FASN: variants seen among roughly 807,000 people sequenced by gnomAD.
The protein encoded by FASN is fatty acid synthase, also known as 3-hydroxyacyl-[acyl-carrier-protein] dehydratase.
Under a neutral mutation model 250.0 loss-of-function variants are expected in FASN, and 50 were observed. The ratio of observed to expected loss-of-function variants is 0.20; its 90% CI spans 0.16 to 0.25. The LOEUF is 0.25. FASN is among the 10% of genes least tolerant of loss of function. The probability of loss-of-function intolerance (pLI) is 1.00; values close to 1 mark genes in which losing one functional copy is unlikely to be tolerated. For missense variants in FASN, 3,031 were observed against 3,498.5 expected (o/e 0.87, Z 3.37); for synonymous variants, 1,909 against 1,584.0 (o/e 1.21, Z -4.87).
chr17:82,093,100 G>A, intron 5 of FASN, 81 bp from the exon 6 acceptor site: 2 of 1,585,368 alleles, frequency 1.3e-6, no homozygotes, highest in Non-Finnish European at 1.7e-6. Context: ...GGGGTGTGGG[G>A]TGGGTGCTTG....
chr17:82,089,316 G>A lies in FASN; in HGVS notation c.2034C>T (p.Gly678=), dbSNP rs148923081. The A allele has an allele frequency of 1.7e-4, 279 of 1,612,782 alleles. 1 individual carries two copies. In the African/African-American group the frequency reaches 3.2e-3, roughly 19 times the overall value. ...EGVFAKEVRT[G]GMAFHSYFME... ...TGAAGTAGGAGTGGAAGGCCATACC[G>A]CCGGTCCGCACCTCCTTGGCAAACA... The change falls in exon 13 of 43, where the codon GGC becomes GGT. Residue 678 remains glycine, a synonymous_variant. Transcript: ENST00000306749.
chr17:82,093,504 C>T (rs1005029731), intron 4 of FASN, 85 bp from the exon 5 acceptor site: 1 of 1,593,096 alleles, frequency 6.3e-7, no homozygotes, highest in Non-Finnish European at 8.6e-7. Context: ...GCTGGACACA[C>T]ACTGCACGGA....
Position 82,088,434 on chromosome 17 carries a change from A to G in FASN, c.2549T>C (p.Phe850Ser). 6.2e-7 allele frequency: 1 copy of G among 1,611,856 alleles called. No individual in the cohort carries two copies. The highest frequency in any genetic ancestry group is 8.5e-7 in the Non-Finnish European group (1 of 1,179,268). Residue 850 changes from phenylalanine to serine, a missense_variant, in exon 16 of 43, where the codon TTC becomes TCC. By Grantham distance (155) the Phe-to-Ser change is radical. Transcript: ENST00000306749. ...TGAGGGGGAACCTGAACCGTTGGGGAAGTCCTCGGCGGCCGGCACGTCCCA... is the reference window on the plus strand; with the variant it reads ...TGAGGGGGAACCTGAACCGTTGGGGGAGTCCTCGGCGGCCGGCACGTCCCA... Reference protein sequence around the residue: ...LAWDVPAAEDFPNGSGSPSAA... With the variant: ...LAWDVPAAEDSPNGSGSPSAA...
Position 82,082,563 on chromosome 17 carries a change from C to A in FASN, c.5883G>T (p.Gln1961His). The A allele has an allele frequency of 6.2e-7, 1 of 1,609,060 alleles. No individual in the cohort carries two copies. Among genetic ancestry groups the A allele is most frequent in the South Asian group, 1.1e-5 (1 of 91,066 alleles). ...TGAAGACGCCGCCCACGGGCCCAAG[C>A]TGCGCCGCCTCGGCAATGAGGCCCC... ...GARGLIAEAAQLGPVGGVFNL... is the reference protein window; with the variant it reads ...GARGLIAEAAHLGPVGGVFNL... The change falls in exon 34 of 43, where the codon CAG becomes CAT. Residue 1961 changes from glutamine to histidine, a missense_variant. Coordinates refer to ENST00000306749, the MANE Select transcript of FASN (RefSeq NM_004104.5).
At position 82,078,931 on chromosome 17, in the gene FASN, AGTCGGCAGCTCTG is replaced by A; in HGVS notation, c.*199_*211del. ...GCTCTTCACAGACCAGGAGTCTCCA[AGTCGGCAGCTCTG>A]GTGTCCCCGAGGTGCCGTGGGAGGC... On this transcript the variant is annotated 3_prime_UTR_variant, in exon 43 of 43. Transcript: ENST00000306749. The surrounding 1 kb of genome is among the most constrained non-coding windows in gnomAD (Gnocchi z 5.4). The A allele has an allele frequency of 1.6e-6, 1 of 641,560 alleles. No individual in the cohort carries two copies. The highest frequency in any genetic ancestry group is 2.7e-6 in the Non-Finnish European group (1 of 369,216). The allele number at this position is 641,560 out of a possible 1,614,324, so 39.7% of individuals were successfully genotyped here.
At chr17:82,082,209 C>T (rs1339113186) in intron 35 of FASN, 49 bp from the exon 36 acceptor site, 3 of 1,600,982 alleles carry the variant, frequency 1.9e-6, no homozygotes, top group East Asian at 2.2e-5. Flanking sequence ...CCAGGAGCCC[C>T]CAACGTCCCA....
rs369692376 is a variant in FASN, at chr17:82,084,289, G to A, written c.4864C>T (p.Leu1622=). Residue 1622 remains leucine, a synonymous_variant, in exon 28 of 43, where the codon CTG becomes TTG. Transcript: ENST00000306749. ...RVMGLVPAKG[L]ATSVLLSPDF... ...GGTGACAGCAGGACAGAGGTGGCCA[G>A]GCCCTTGGCAGGCACCAGTCCCATC... The A allele has an allele frequency of 2.0e-5, 33 of 1,611,436 alleles. No individual in the cohort carries two copies. The highest frequency in any genetic ancestry group is 2.7e-5 in the Non-Finnish European group (32 of 1,179,452).
chr17:82,084,325 C>A lies in FASN; in HGVS notation c.4828G>T (p.Gly1610Cys). 1.2e-6 allele frequency: 2 copies of A among 1,610,044 alleles called. No homozygotes were observed. Among genetic ancestry groups the A allele is most frequent in the Non-Finnish European group, 8.5e-7 (1 of 1,178,808 alleles). The change falls in exon 28 of 43, where the codon GGC becomes TGC. Residue 1610 changes from glycine (G) to cysteine (C), a missense_variant. Coordinates refer to ENST00000306749, the MANE Select transcript of FASN (RefSeq NM_004104.5). ...GMEFSGRDASGKRVMGLVPAK... is the reference protein window; with the variant it reads ...GMEFSGRDASCKRVMGLVPAK... ...GGCACCAGTCCCATCACACGCTTGCCGCTGGCGTCTCGGCCCGAGAACTCC... is the reference window on the plus strand; with the variant it reads ...GGCACCAGTCCCATCACACGCTTGCAGCTGGCGTCTCGGCCCGAGAACTCC...
intron 37 of FASN, 30 bp downstream of exon 37, chr17:82,081,571 C>A (rs553370262): frequency 1.9e-6 from 3 of 1,610,440 alleles, no homozygotes; most frequent in African/African-American, 1.3e-5. Context: ...AGGGGAAACA[C>A]CTGGCGCGGC....
rs1463557812 is a variant in FASN at position 82,093,727 on chromosome 17, C to T, written c.325G>A (p.Val109Met). ...GAGGTCTCAGAGCCGCTCACGCCCA[C>T]CCAGACGCCAGTGTGTGTTCCTCGG... ...SLRGTHTGVW[V>M]GVSGSETSEA... The change falls in exon 4 of 43, where the codon GTG (valine) becomes ATG (methionine). Residue 109 changes from valine to methionine, a missense_variant. Physicochemically the swap from Val to Met is conservative, Grantham distance 21. Coordinates refer to ENST00000306749, the MANE Select transcript of FASN (RefSeq NM_004104.5). 3.1e-6 allele frequency: 5 copies of T among 1,612,628 alleles called. No homozygotes were observed. Among genetic ancestry groups the T allele is most frequent in the Non-Finnish European group, 4.2e-6 (5 of 1,179,974 alleles).
chr17:82,087,295 G>A, intron 20 of FASN, 30 bp downstream of exon 20: 2 of 1,607,104 alleles, frequency 1.2e-6, no homozygotes, highest in Admixed American at 1.7e-5. Flanking sequence ...CTTGGGTGGG[G>A]GCACTGGGCT....
intron 28 of FASN, 31 bp downstream of exon 28, chr17:82,084,203 G>A (rs2034045272): frequency 6.2e-7 from 1 of 1,610,130 alleles, no homozygotes; most frequent in South Asian, 1.1e-5. Flanking sequence ...CATCCACGTG[G>A]GGCCCAGGCT....
At chr17:82,080,310 G>A (rs1249804783) in intron 40 of FASN, 60 bp downstream of exon 40, 27 of 1,610,736 alleles carry the variant, frequency 1.7e-5, no homozygotes, top group Non-Finnish European at 2.0e-5. Flanking sequence ...CCCAAAGCCA[G>A]GGCACAGGTG....
rs754942049 is a variant in FASN at position 82,096,340 on chromosome 17, C to T, written c.106G>A (p.Asp36Asn). 9.3e-6 allele frequency: 15 copies of T among 1,612,784 alleles called. No individual in the cohort carries two copies. Among genetic ancestry groups the T allele is most frequent in the Admixed American group, 1.7e-5 (1 of 60,034 alleles). ...ATACCCGCCTTCCAGCGACGGTCAT[C>T]GTCCGTGACCATGTCCACACCGCCG... is the stretch of plus-strand genomic sequence containing the variant. ...LIGGVDMVTD[D>N]DRRWKAGLYG... The change falls in exon 2 of 43, where the codon GAT (aspartate) becomes AAT (asparagine). Residue 36 changes from aspartate (D) to asparagine (N), a missense_variant. Physicochemically the swap from Asp to Asn is conservative, Grantham distance 23 (BLOSUM62 1). Coordinates refer to ENST00000306749, the MANE Select transcript of FASN (RefSeq NM_004104.5).
At chr17:82,089,432 T>A (rs1222323651) in intron 12 of FASN, 48 bp from the exon 13 acceptor site, 1 of 1,612,420 alleles carries the variant, frequency 6.2e-7, no homozygotes, top group East Asian at 2.2e-5. Context: ...GGCACCCACC[T>A]CAGGCTCGGA....
At chr17:82,093,979 C>G (rs1283835571) in intron 3 of FASN, 1 of 628,680 alleles carries the variant, frequency 1.6e-6, no homozygotes, top group African/African-American at 1.8e-5. Flanking sequence ...CAGCAGCCAG[C>G]CCAGGTGAGG....
rs1568103097 is a variant in FASN, at chr17:82,079,158, G to GCT, written c.7519_7520dup (p.Ser2507ArgfsTer34). ...GGGCACGGGCCTAGCCCTCCCGCAC[G>GCT]CTCACGCGTGGCTCAGCCAGGGAGC... On this transcript the variant is annotated frameshift_variant, in exon 43 of 43. Coordinates refer to ENST00000306749, the MANE Select transcript of FASN (RefSeq NM_004104.5). LOFTEE classifies it high-confidence loss of function. 1 of 1,612,234 alleles carries GCT rather than the reference G, an allele frequency of 6.2e-7. No individual in the cohort carries two copies. The highest frequency in any genetic ancestry group is 8.5e-7 in the Non-Finnish European group (1 of 1,179,916).
Position 82,085,330 on chromosome 17 carries a change from T to C in FASN, c.4195A>G (p.Thr1399Ala), listed in dbSNP as rs764626319. The C allele has an allele frequency of 1.2e-5, 19 of 1,610,828 alleles. No homozygotes were observed. Among genetic ancestry groups the C allele is most frequent in the East Asian group, 6.7e-5 (3 of 44,798 alleles). The stretch of plus-strand genomic sequence containing the variant: ...GTGGGCCGGCGGCACAGGAAGAGCG[T>C]GGAGCCGTAGAAGGACTTCTTCAGG... ...VGLKKSFYGS[T>A]LFLCRRPTPQ... The change falls in exon 24 of 43, where the codon ACG (threonine) becomes GCG (alanine). Residue 1399 changes from threonine (T) to alanine (A), a missense_variant. Transcript: ENST00000306749.
In FASN at chr17:82,085,385, G is replaced by A. The variant is rs749603514; in HGVS notation, c.4140C>T (p.Leu1380=). ...GILSQDAWES[L]FSRVSLRLVG... ...CCAGGCGCAGCGACACCCTGGAGAA[G>A]AGGCTCTCCCACGCGTCCTGTGGGG... is the stretch of plus-strand genomic sequence containing the variant. The change falls in exon 24 of 43, where the codon CTC becomes CTT. Residue 1380 remains leucine (L), a synonymous_variant. Coordinates refer to ENST00000306749, the MANE Select transcript of FASN (RefSeq NM_004104.5). 1.2e-6 allele frequency: 2 copies of A among 1,611,384 alleles called. No individual in the cohort carries two copies. Among genetic ancestry groups the A allele is most frequent in the African/African-American group, 2.7e-5 (2 of 75,014 alleles).
Sources: allele counts gnomAD v4.1 joint callset, GRCh38; gene constraint gnomAD v4.1.1; non-coding constraint Gnocchi (gnomAD v3.1); transcripts MANE v1.5; gene names NCBI Gene and HGNC (gene_info 2026-07-23, HGNC 2026-07-21).